CHST8: variants seen among roughly 807,000 people sequenced by gnomAD.
The protein encoded by CHST8 is carbohydrate sulfotransferase 8, also known as GALNAC-4-ST1.
A neutral mutation model predicts 15.0 loss-of-function variants in CHST8; 10 were observed. The observed-to-expected ratio is 0.67, with a 90% CI of 0.41 to 1.13. The LOEUF (loss-of-function observed/expected upper bound fraction) is 1.13. Ranked by LOEUF, CHST8 falls within the 50% of genes most tolerant of loss-of-function variation. The pLI is 0.00. For missense variants in CHST8, 634 were observed against 608.2 expected (o/e 1.04, Z -0.45); for synonymous variants, 259 against 256.6 (o/e 1.01, Z -0.09).
chr19:33,768,686 T>C (rs530952758), intron 3 of CHST8, among the ~76,000 whole-genome samples: 1 of 152,254 alleles, frequency 6.6e-6, no homozygotes, highest in Admixed American at 6.5e-5. Context: ...ACTCCCGGAC[T>C]CAAGTGATCA....
intron 3 of CHST8, among the ~76,000 whole-genome samples, chr19:33,770,894 G>A (rs191652260): frequency 3.3e-5 from 5 of 152,246 alleles, no homozygotes; most frequent in African/African-American, 9.6e-5. Flanking sequence ...GAAGAAGCAC[G>A]TTCCATTCCT....
chr19:33,695,720 T>C (rs1281822012), intron 3 of CHST8, among the ~76,000 whole-genome samples: 1 of 152,030 alleles, frequency 6.6e-6, no homozygotes, highest in African/African-American at 2.4e-5. Flanking sequence ...TCCCCATCTA[T>C]CCAACTTGCT....
intron 3 of CHST8, among the ~76,000 whole-genome samples, chr19:33,731,318 G>A (rs781238036): frequency 2.0e-5 from 3 of 152,308 alleles, no homozygotes; most frequent in Non-Finnish European, 2.9e-5. Context: ...TGAGTTTTCC[G>A]AGAAAGGGGT....
At chr19:33,637,859 GAA>G (rs566331956) in intron 1 of CHST8, among the ~76,000 whole-genome samples, 3 of 75,324 alleles carry the variant, frequency 4.0e-5, no homozygotes, top group Non-Finnish European at 5.4e-5. Context: ...TATCTCTTAA[GAA>G]AAAAAAAAAA....
intron 3 of CHST8, among the ~76,000 whole-genome samples, chr19:33,765,540 T>C (rs1974817760): frequency 7.8e-6 from 1 of 128,112 alleles, no homozygotes; most frequent in South Asian, 2.5e-4. Flanking sequence ...TGTGTGTGTG[T>C]GTGTGTGTGT....
chr19:33,739,209 C>G (rs889884421), intron 3 of CHST8, among the ~76,000 whole-genome samples: 5 of 152,146 alleles, frequency 3.3e-5, no homozygotes, highest in African/African-American at 1.2e-4. Flanking sequence ...GATGGAATCC[C>G]TTTCCTATCC....
intron 3 of CHST8, among the ~76,000 whole-genome samples, chr19:33,770,670 A>G (rs1974960737): frequency 6.6e-6 from 1 of 152,226 alleles, no homozygotes; most frequent in African/African-American, 2.4e-5. Context: ...GTTCCAGAGC[A>G]TGGCCATTGA....
chr19:33,716,336 A>G lies in CHST8; in HGVS notation c.130+26945A>G, dbSNP rs143829611. On this transcript the variant is annotated intron_variant, in intron 3 of 4. Coordinates refer to ENST00000650847, the MANE Select transcript of CHST8 (RefSeq NM_001127895.2). ...CTTGATGAGCCCTAGTTACCCATTCATAGTTGAGAGTGGAGCAATAAACAT... is the reference window on the plus strand; with the variant it reads ...CTTGATGAGCCCTAGTTACCCATTCGTAGTTGAGAGTGGAGCAATAAACAT... 1.9e-3 allele frequency among the ~76,000 whole-genome samples: 295 copies of G among 152,240 alleles called. 1 individual carries two copies. The highest frequency in any genetic ancestry group is 2.9e-3 in the Non-Finnish European group (199 of 68,022).
In CHST8 at chr19:33,766,675, G is replaced by A. The variant is rs10419822; in HGVS notation, c.131-4738G>A. Among the ~76,000 whole-genome samples, 244 of 152,350 alleles carry A rather than the reference G, an allele frequency of 1.6e-3. 1 individual carries two copies. The highest frequency in any genetic ancestry group is 5.7e-3 in the African/African-American group (237 of 41,586). On this transcript the variant is annotated intron_variant, in intron 3 of 4. Coordinates refer to ENST00000650847, the MANE Select transcript of CHST8 (RefSeq NM_001127895.2). ...AGCCGAAGCTCAGAATCCGGGTACT[G>A]CACGTGCTGAGGACCAAGATGCAGT...
intron 1 of CHST8, among the ~76,000 whole-genome samples, chr19:33,623,720 C>T (rs1291576332): frequency 1.3e-5 from 2 of 152,184 alleles, no homozygotes; most frequent in Non-Finnish European, 2.9e-5. Context: ...TTCCAGCTGT[C>T]ATGACCTTTC....
intron 3 of CHST8, among the ~76,000 whole-genome samples, chr19:33,713,483 C>G (rs1173932328): frequency 6.6e-6 from 1 of 152,166 alleles, no homozygotes; most frequent in African/African-American, 2.4e-5. Flanking sequence ...CTCCATTTCT[C>G]CTGGGAGCAT....
rs531090988 is a variant in CHST8, at chr19:33,761,333, A to AT, written c.131-10068dup. On this transcript the variant is annotated intron_variant, in intron 3 of 4. Transcript: ENST00000650847. ...GCATAGTGAGACCTTGCCTCTATGA[A>AT]TTTTTTTTTTTTCTGAGACAGAGTC... 4.6e-3 allele frequency among the ~76,000 whole-genome samples: 674 copies of AT among 147,316 alleles called. 8 individuals are homozygous for AT. Among genetic ancestry groups the AT allele is most frequent in the Admixed American group, 0.03 (442 of 14,812 alleles).
At chr19:33,735,315 A>G (rs935480169) in intron 3 of CHST8, among the ~76,000 whole-genome samples, 11 of 152,232 alleles carry the variant, frequency 7.2e-5, no homozygotes, top group Admixed American at 6.5e-4. Context: ...GTTAGCAATC[A>G]GGTTTCAGGA....
At chr19:33,757,304 C>G (rs537599818) in intron 3 of CHST8, among the ~76,000 whole-genome samples, 1 of 150,484 alleles carries the variant, frequency 6.6e-6, no homozygotes, top group East Asian at 1.9e-4. Context: ...TCGCTTGAAC[C>G]AGGAGGTGGA....
At chr19:33,661,423 C>T (rs1029414021) in intron 1 of CHST8, among the ~76,000 whole-genome samples, 1 of 152,224 alleles carries the variant, frequency 6.6e-6, no homozygotes, top group African/African-American at 2.4e-5. Context: ...TCACCCGAGT[C>T]CTCTGTCTCT....
intron 1 of CHST8, among the ~76,000 whole-genome samples, chr19:33,661,963 G>C (rs191204501): frequency 6.6e-6 from 1 of 152,154 alleles, no homozygotes; most frequent in Non-Finnish European, 1.5e-5. Flanking sequence ...TTGAGCCCAG[G>C]AGTTTGAGGC....
chr19:33,715,407 A>G (rs1455107178), intron 3 of CHST8, among the ~76,000 whole-genome samples: 1 of 152,226 alleles, frequency 6.6e-6, no homozygotes, highest in Non-Finnish European at 1.5e-5. Context: ...AATCAGTGAC[A>G]CAGAGGGCCT....
chr19:33,714,229 A>G (rs1973616965), intron 3 of CHST8, among the ~76,000 whole-genome samples: 1 of 152,220 alleles, frequency 6.6e-6, no homozygotes, highest in South Asian at 2.1e-4. Context: ...TATTCACAGT[A>G]GCTAAGTCTT....
chr19:33,625,630 G>A (rs954020607), intron 1 of CHST8, among the ~76,000 whole-genome samples: 2 of 152,130 alleles, frequency 1.3e-5, no homozygotes, highest in Admixed American at 1.3e-4. Flanking sequence ...GGGAGGCCGA[G>A]GTGGGTGGAT....
Sources: allele counts gnomAD v4.1 joint callset (sites outside exome capture counted in the v4.1 genomes callset), GRCh38; gene constraint gnomAD v4.1.1; transcripts MANE v1.5; gene names NCBI Gene and HGNC (gene_info 2026-07-23, HGNC 2026-07-21).